AXIN2: variants seen among roughly 807,000 people sequenced by gnomAD.
The protein encoded by AXIN2 is axin 2.
A neutral mutation model predicts 74.7 loss-of-function variants in AXIN2; 21 were observed. The observed-to-expected ratio is 0.28, with a 90% CI of 0.20 to 0.40. AXIN2 has a LOEUF of 0.40. AXIN2 is among the 10% of genes least tolerant of loss of function. AXIN2 has a pLI of 1.00. For synonymous variants in AXIN2, 532 were observed against 454.9 expected (o/e 1.17, Z -2.16); for missense variants, 1,144 against 1,111.1 (o/e 1.03, Z -0.42).
In AXIN2 at chr17:65,535,640, G is replaced by C. The variant is rs1002755638; in HGVS notation, c.2223C>G (p.Ser741Arg). The C allele has an allele frequency of 6.2e-7, 1 of 1,614,128 alleles. No individual in the cohort carries two copies. Among genetic ancestry groups the C allele is most frequent in the Non-Finnish European group, 8.5e-7 (1 of 1,179,978 alleles). ...QTGATPFSNP[S>R]LAPEDHKEPK... ...AAGACACTCACTCTTCTGGAGCCAG[G>C]CTTGGATTGGAGAAGGGTGTGGCTC... Residue 741 changes from serine (S) to arginine (R), a missense_variant, in exon 9 of 11, where the codon AGC becomes AGG. This residue lies in a region of AXIN2 where 1,053 missense variants were observed against 973.5 expected (regional missense o/e 1.08). Transcript: ENST00000307078.
chr17:65,542,375 C>T (rs1327405234), intron 3 of AXIN2, among the ~76,000 whole-genome samples: 2 of 152,178 alleles, frequency 1.3e-5, no homozygotes, highest in Non-Finnish European at 1.5e-5. Context: ...TTGAAGTTTA[C>T]ATTCTAATGG....
chr17:65,548,459 A>C (rs992276109), intron 3 of AXIN2, among the ~76,000 whole-genome samples: 8 of 152,244 alleles, frequency 5.3e-5, no homozygotes, highest in Non-Finnish European at 1.0e-4. Flanking sequence ...TAAGTGTGCC[A>C]GAACTTACAC....
chr17:65,550,323 G>C (rs1253655506), intron 2 of AXIN2, among the ~76,000 whole-genome samples: 5 of 152,188 alleles, frequency 3.3e-5, no homozygotes, highest in Non-Finnish European at 5.9e-5. Context: ...CCTCTCCCCA[G>C]GACTGGCTAG....
At position 65,536,402 on chromosome 17, in the gene AXIN2, G is replaced by A; in HGVS notation, c.2059C>T (p.Pro687Ser). 6.2e-7 allele frequency: 1 copy of A among 1,613,838 alleles called. No individual in the cohort carries two copies. Among genetic ancestry groups the A allele is most frequent in the Non-Finnish European group, 8.5e-7 (1 of 1,180,014 alleles). ...GCCAGCGTGTTGGGTGGGGTCAGGG[G>A]AGGCATCGCAGGGTCCTGGGTGAAC... ...HLFTQDPAMP[P>S]LTPPNTLAQL... Residue 687 changes from proline to serine, a missense_variant, in exon 8 of 11, where the codon CCC (proline) becomes TCC (serine). This residue lies in a region of AXIN2 where 1,053 missense variants were observed against 973.5 expected (regional missense o/e 1.08). Coordinates refer to ENST00000307078, the MANE Select transcript of AXIN2 (RefSeq NM_004655.4).
At chr17:65,535,581 T>C in intron 9 of AXIN2, 45 bp downstream of exon 9, 2 of 1,571,784 alleles carry the variant, frequency 1.3e-6, no homozygotes, top group Middle Eastern at 1.7e-4. Context: ...TTCTGAAACA[T>C]AAAGCACTCG....
intron 1 of AXIN2, chr17:65,559,294 C>A (rs566817531): frequency 6.9e-6 from 1 of 144,632 alleles, no homozygotes; most frequent in Non-Finnish European, 1.5e-5. Flanking sequence ...TCCCTCTGCG[C>A]TCCCTCTTCC....
chr17:65,549,941 G>A (rs1483137748), intron 2 of AXIN2, among the ~76,000 whole-genome samples: 1 of 152,194 alleles, frequency 6.6e-6, no homozygotes, highest in Admixed American at 6.5e-5. Context: ...ATCCTGTGAA[G>A]CTCTAAATGC....
At chr17:65,531,947 G>A (rs911599253) in intron 10 of AXIN2, among the ~76,000 whole-genome samples, 1 of 152,046 alleles carries the variant, frequency 6.6e-6, no homozygotes, top group African/African-American at 2.4e-5. Flanking sequence ...TTTTGAAGGG[G>A]GGATGTATTT....
rs1406564037 is a variant in AXIN2 at position 65,529,961 on chromosome 17, G to A, written c.*15C>T. ...CTTCGGGCTCCAACAGTTCACCAAAGCCAGACCCCAGGGCTCAATCGATCC... is the reference window on the plus strand; with the variant it reads ...CTTCGGGCTCCAACAGTTCACCAAAACCAGACCCCAGGGCTCAATCGATCC... On this transcript the variant is annotated 3_prime_UTR_variant, in exon 11 of 11. Transcript: ENST00000307078. 1 of 1,613,976 alleles carries A rather than the reference G, an allele frequency of 6.2e-7. No homozygotes were observed. The highest frequency in any genetic ancestry group is 2.2e-5 in the East Asian group (1 of 44,896).
intron 5 of AXIN2, 154 bp from the exon 6 acceptor site, chr17:65,537,989 C>T: frequency 7.5e-7 from 1 of 1,327,342 alleles, no homozygotes; most frequent in East Asian, 2.5e-5. Flanking sequence ...CCCGCCTACA[C>T]AAGCACATAT....
Position 65,558,418 on chromosome 17 carries a change from C to A in AXIN2, c.203G>T (p.Arg68Leu). 1 of 1,600,510 alleles carries A rather than the reference C, an allele frequency of 6.2e-7. No homozygotes were observed. Reference protein sequence around the residue: ...NEDGLGEPEGRASPDSPLTRW... With the variant: ...NEDGLGEPEGLASPDSPLTRW... Reference sequence around the variant, plus strand: ...GGTCAGAGGGGAATCCGGAGATGCCCGCCCCTCCGGCTCCCCCAACCCATC... The same window carrying A: ...GGTCAGAGGGGAATCCGGAGATGCCAGCCCCTCCGGCTCCCCCAACCCATC... Residue 68 changes from arginine (R) to leucine (L), a missense_variant, in exon 2 of 11, where the codon CGG (arginine) becomes CTG (leucine). Transcript: ENST00000307078.
intron 2 of AXIN2, among the ~76,000 whole-genome samples, chr17:65,556,675 T>C (rs973706750): frequency 3.3e-5 from 5 of 152,130 alleles, no homozygotes; most frequent in Non-Finnish European, 7.4e-5. Flanking sequence ...CTGGCCACCC[T>C]GAGAGGCTCA....
intron 3 of AXIN2, among the ~76,000 whole-genome samples, chr17:65,546,925 G>A (rs991593400): frequency 2.6e-5 from 4 of 152,146 alleles, no homozygotes; most frequent in African/African-American, 4.8e-5. Flanking sequence ...AGAGAAAGCC[G>A]CTACATGAGG....
At chr17:65,536,826 G>A (rs369468009) in intron 7 of AXIN2, 43 bp downstream of exon 7, 82 of 1,610,686 alleles carry the variant, frequency 5.1e-5, no homozygotes, top group Non-Finnish European at 6.4e-5. Context: ...CGTACTGAGT[G>A]CCCATGACCC....
chr17:65,555,307 G>C (rs916807537), intron 2 of AXIN2, among the ~76,000 whole-genome samples: 2 of 152,164 alleles, frequency 1.3e-5, no homozygotes, highest in African/African-American at 4.8e-5. Context: ...CCAGATGCCA[G>C]GTACTCTGCA....
intron 2 of AXIN2, among the ~76,000 whole-genome samples, chr17:65,552,480 G>A (rs2044207560): frequency 6.6e-6 from 1 of 152,192 alleles, no homozygotes; most frequent in Admixed American, 6.5e-5. Flanking sequence ...TAGGAATCCA[G>A]TGATGAGGCC....
chr17:65,556,387 G>A (rs1443913112), intron 2 of AXIN2, among the ~76,000 whole-genome samples: 2 of 152,186 alleles, frequency 1.3e-5, no homozygotes, highest in African/African-American at 4.8e-5. Flanking sequence ...GGCGTAGCAG[G>A]TGCCCGGCGA....
intron 2 of AXIN2, 54 bp downstream of exon 2, chr17:65,557,749 CTTA>C: frequency 3.8e-5 from 60 of 1,569,456 alleles, no homozygotes; most frequent in Non-Finnish European, 5.0e-5. Context: ...ATCCACCATA[CTTA>C]AAACATCTGC....
At chr17:65,532,631 G>A (rs1173521521) in intron 10 of AXIN2, among the ~76,000 whole-genome samples, 4 of 152,224 alleles carry the variant, frequency 2.6e-5, no homozygotes, top group African/African-American at 9.7e-5. Context: ...AGATGAAGGT[G>A]GCTGGTAAAA....
Sources: gnomAD v4.1 joint callset for allele counts (sites outside exome capture counted in the v4.1 genomes callset) on GRCh38, gnomAD v4.1.1 for gene constraint, gnomAD v4.1.1 regional missense constraint, MANE v1.5 for transcripts, NCBI Gene and HGNC (gene_info 2026-07-23, HGNC 2026-07-21) for gene names.